WSCD1: variants seen among roughly 807,000 people sequenced by gnomAD.
WSCD1 encodes the protein sialate:O-sulfotransferase 1.
A neutral mutation model predicts 60.4 loss-of-function variants in WSCD1; 41 were observed. That is an observed-to-expected ratio of 0.68 (90% CI 0.53 to 0.88). The LOEUF is 0.88. WSCD1 is among the 40% of genes least tolerant of loss of function. WSCD1 has a pLI of 0.00. For synonymous variants in WSCD1, 361 were observed against 332.5 expected, an observed-to-expected ratio of 1.09 and a Z score of -0.93; for missense variants, 784 against 796.2, an observed-to-expected ratio of 0.98 and a Z score of 0.18.
intron 4 of WSCD1, among the ~76,000 whole-genome samples, chr17:6,090,864 C>T (rs1334748359): frequency 5.3e-5 from 8 of 151,992 alleles, no homozygotes; most frequent in Admixed American, 3.9e-4. Flanking sequence ...ACCTAGATTT[C>T]TTTCTTTTTT....
intron 2 of WSCD1, among the ~76,000 whole-genome samples, chr17:6,085,851 G>A (rs991388239): frequency 7.2e-5 from 11 of 152,286 alleles, no homozygotes; most frequent in South Asian, 4.2e-4. Context: ...TCACTGACCC[G>A]GGTGAAAGCT....
chr17:6,080,972 G>A lies in WSCD1; in HGVS notation c.314G>A (p.Arg105His), dbSNP rs770482431. 66 of 1,551,662 alleles carry A rather than the reference G, an allele frequency of 4.3e-5. No individual in the cohort carries two copies. Among genetic ancestry groups the A allele is most frequent in the South Asian group, 3.4e-4 (29 of 84,644 alleles). The change falls in exon 2 of 9, where the codon CGC becomes CAC. Residue 105 changes from arginine (R) to histidine (H), a missense_variant. Coordinates refer to ENST00000317744, the MANE Select transcript of WSCD1 (RefSeq NM_015253.2). This position sits in a 1 kb window ranked among gnomAD's most constrained non-coding sequence, Gnocchi z 6.6. ...PRPGPRWLRSRNSELRQLRRR... is the reference protein window; with the variant it reads ...PRPGPRWLRSHNSELRQLRRR... ...CCCGGCCCCCGCTGGCTCCGGAGCC[G>A]CAACTCGGAGCTGCGTCAGTTGCGT...
At chr17:6,077,141 T>G (rs1282889087) in intron 1 of WSCD1, among the ~76,000 whole-genome samples, 1 of 145,774 alleles carries the variant, frequency 6.9e-6, no homozygotes, top group Non-Finnish European at 1.5e-5. Context: ...CAGGCTGGAG[T>G]GCAGTGGTGT....
At chr17:6,120,261 C>A (rs1249451467) in intron 8 of WSCD1, 48 bp from the exon 9 acceptor site, 4 of 1,577,578 alleles carry the variant, frequency 2.5e-6, no homozygotes, top group Non-Finnish European at 3.5e-6. Flanking sequence ...ACCGGCAGCC[C>A]TGGCAGGGCC....
In WSCD1 at chr17:6,088,984, G is replaced by A. The variant is rs530895272; in HGVS notation, c.542+880G>A. On this transcript the variant is annotated intron_variant, in intron 3 of 8. Transcript: ENST00000317744. ...TTTTTAGTAGAGATGGGGTTTCACT[G>A]TGTTAGCCAGGATGGTCTCAATCTC... Among the ~76,000 whole-genome samples the A allele has an allele frequency of 2.0e-4, 30 of 151,754 alleles. No homozygotes were observed. The East Asian group carries it at 5.8e-3, about 30-fold the overall frequency.
chr17:6,117,109 A>C (rs2150571312), intron 7 of WSCD1, among the ~76,000 whole-genome samples: 1 of 152,336 alleles, frequency 6.6e-6, no homozygotes, highest in East Asian at 1.9e-4. Flanking sequence ...TAACATAGTG[A>C]GCACATAATA....
chr17:6,096,211 T>C (rs1195551572), intron 5 of WSCD1, among the ~76,000 whole-genome samples: 3 of 152,086 alleles, frequency 2.0e-5, no homozygotes, highest in Non-Finnish European at 2.9e-5. Flanking sequence ...AGGCAGAGGG[T>C]TTGAGCCGTG....
chr17:6,069,617 G>A (rs972127547), upstream of WSCD1, among the ~76,000 whole-genome samples: 1 of 151,426 alleles, frequency 6.6e-6, no homozygotes, highest in Non-Finnish European at 1.5e-5. Flanking sequence ...GTGTAGACGC[G>A]GGAGCTGGTG....
chr17:6,116,888 G>A (rs1904328397), intron 7 of WSCD1, among the ~76,000 whole-genome samples: 1 of 152,192 alleles, frequency 6.6e-6, no homozygotes, highest in Non-Finnish European at 1.5e-5. Flanking sequence ...ACATGTCTCA[G>A]GGCTGGGAGC....
intron 5 of WSCD1, among the ~76,000 whole-genome samples, chr17:6,097,912 C>G (rs543059703): frequency 5.3e-5 from 8 of 151,558 alleles, no homozygotes; most frequent in Admixed American, 3.3e-4. Flanking sequence ...TTCTGGGGGT[C>G]CTCCCTTTGT....
intron 5 of WSCD1, among the ~76,000 whole-genome samples, chr17:6,108,439 G>A (rs1478957306): frequency 6.6e-6 from 1 of 152,162 alleles, no homozygotes; most frequent in East Asian, 1.9e-4. Flanking sequence ...ACTGTAGGAT[G>A]CAGAGAAGGA....
chr17:6,093,893 A>G lies in WSCD1; in HGVS notation c.728-1209A>G, dbSNP rs1910214906. On this transcript the variant is annotated intron_variant, in intron 4 of 8. Coordinates refer to ENST00000317744, the MANE Select transcript of WSCD1 (RefSeq NM_015253.2). ...TAAGCCCTGGTGTTTTCCCCACACT[A>G]GGCTGTTGTCTGTGCCCTAATAGGT... is the stretch of plus-strand genomic sequence containing the variant. 2.0e-5 allele frequency among the ~76,000 whole-genome samples: 3 copies of G among 152,210 alleles called. No homozygotes were observed. The South Asian group carries it at 6.2e-4, about 32-fold the overall frequency.
Position 6,118,564 on chromosome 17 carries a change from C to T in WSCD1, c.1375+376C>T, listed in dbSNP as rs142314908. On this transcript the variant is annotated intron_variant, in intron 8 of 8. Transcript: ENST00000317744. The surrounding 1 kb of genome is among the most constrained non-coding windows in gnomAD (Gnocchi z 5.8). ...AGCACATGGGGTGCACATGGACCTG[C>T]TTTGCACCTTCCTCTGTGTTCAGCA... 1.6e-4 allele frequency among the ~76,000 whole-genome samples: 24 copies of T among 152,338 alleles called. No homozygotes were observed. Among genetic ancestry groups the T allele is most frequent in the African/African-American group, 5.3e-4 (22 of 41,576 alleles).
chr17:6,093,336 A>G lies in WSCD1; in HGVS notation c.728-1766A>G, dbSNP rs187595946. 5.1e-4 allele frequency among the ~76,000 whole-genome samples: 78 copies of G among 152,320 alleles called. 1 individual carries two copies. Among genetic ancestry groups the G allele is most frequent in the African/African-American group, 1.7e-3 (71 of 41,568 alleles). On this transcript the variant is annotated intron_variant, in intron 4 of 8. Coordinates refer to ENST00000317744, the MANE Select transcript of WSCD1 (RefSeq NM_015253.2). ...TTCGTTCGCTCACCACGTAGTGGGC[A>G]CCTGCTGTGTGTCAGGATCAGGGCT...
intron 1 of WSCD1, among the ~76,000 whole-genome samples, chr17:6,077,263 ATTT>A (rs1908926685): frequency 6.6e-6 from 1 of 151,644 alleles, no homozygotes; most frequent in African/African-American, 2.4e-5. Context: ...TAATTTTTGT[ATTT>A]TTAGTAGAGA....
chr17:6,115,087 T>A (rs1328833511), intron 7 of WSCD1, among the ~76,000 whole-genome samples: 2 of 152,214 alleles, frequency 1.3e-5, no homozygotes, highest in African/African-American at 4.8e-5. Context: ...CCCACACCCC[T>A]GACAGTCTGA....
At chr17:6,069,423 G>A, upstream of WSCD1, 1 of 294,000 alleles carries the variant, frequency 3.4e-6, no homozygotes, top group South Asian at 2.1e-4. Flanking sequence ...GTGTGTGTGT[G>A]TGTGTGAGAG....
intron 2 of WSCD1, chr17:6,085,063 T>G (rs1395349902): frequency 6.6e-6 from 1 of 151,944 alleles, no homozygotes; most frequent in Non-Finnish European, 1.5e-5. Context: ...CTTGAAACAA[T>G]TTTTTTTCTC....
chr17:6,099,933 C>G (rs1910698493), intron 5 of WSCD1, among the ~76,000 whole-genome samples: 2 of 152,154 alleles, frequency 1.3e-5, no homozygotes, highest in African/African-American at 2.4e-5. Flanking sequence ...GTGTCCATGT[C>G]TAAACCGGCA....
Sources: allele counts gnomAD v4.1 joint callset (sites outside exome capture counted in the v4.1 genomes callset), GRCh38; gene constraint gnomAD v4.1.1; non-coding constraint Gnocchi (gnomAD v3.1); transcripts MANE v1.5; gene names NCBI Gene and HGNC (gene_info 2026-07-23, HGNC 2026-07-21).